Variants in GALNT14 observed in about 807,000 individuals in gnomAD.
GALNT14 encodes the protein UDP-GalNAc:polypeptide N-acetylgalactosaminyltransferase 14.
In GALNT14, 60 loss-of-function variants were observed where a neutral mutation model predicts 77.5. The observed-to-expected ratio is 0.77, with a 90% confidence interval of 0.63 to 0.96. The LOEUF (loss-of-function observed/expected upper bound fraction) is 0.96. Among genes scored for constraint, GALNT14 ranks in the 40% least tolerant of loss-of-function variants. The pLI, the probability that GALNT14 is intolerant of heterozygous loss-of-function variation, is 0.00. For missense variants in GALNT14, 710 were observed against 731.0 expected (o/e 0.97, Z 0.33); for synonymous variants, 280 against 281.7 (o/e 0.99, Z 0.06).
chr2:31,092,648 C>T (rs1676811106), intron 1 of GALNT14, among the ~76,000 whole-genome samples: 1 of 152,152 alleles, frequency 6.6e-6, no homozygotes, highest in African/African-American at 2.4e-5. Flanking sequence ...AAAAGTCAAC[C>T]TGGGACTGGA....
intron 1 of GALNT14, among the ~76,000 whole-genome samples, chr2:30,995,008 G>A (rs1191271154): frequency 6.6e-6 from 1 of 152,136 alleles, no homozygotes; most frequent in Non-Finnish European, 1.5e-5. Context: ...GTTCGATCTT[G>A]AAGGATGAGT....
At chr2:31,029,628 T>A (rs893455415) in intron 1 of GALNT14, among the ~76,000 whole-genome samples, 3 of 152,216 alleles carry the variant, frequency 2.0e-5, no homozygotes, top group South Asian at 2.1e-4. Flanking sequence ...TCTTTCCCCT[T>A]CCCCGGTCTA....
In GALNT14 at chr2:31,138,352, C is replaced by G; in HGVS notation, c.-266G>C. ...TGGACGCCCGCTCCAGCGGGAGAAGCGCGGTGGCTGCCGAGATGTTCCCCA... is the reference window on the plus strand; with the variant it reads ...TGGACGCCCGCTCCAGCGGGAGAAGGGCGGTGGCTGCCGAGATGTTCCCCA... On this transcript the variant is annotated 5_prime_UTR_variant, in exon 1 of 15. Coordinates refer to ENST00000349752, the MANE Select transcript of GALNT14 (RefSeq NM_024572.4). 1 of 453,580 alleles carries G rather than the reference C, an allele frequency of 2.2e-6. No homozygotes were observed. The highest frequency in any genetic ancestry group is 3.9e-6 in the Non-Finnish European group (1 of 257,070). 28.1% of individuals were successfully genotyped at this position (453,580 alleles called of 1,614,324 possible). A position where few individuals can be genotyped will look rare whatever the true frequency, so the allele number is the denominator to read the frequency against.
the GALNT14 span, among the ~76,000 whole-genome samples, chr2:30,890,961 G>A: frequency 6.6e-6 from 1 of 152,176 alleles, no homozygotes; most frequent in Non-Finnish European, 1.5e-5. Context: ...CTGAGACCAG[G>A]AGGCCAGTGG....
intron 1 of GALNT14, among the ~76,000 whole-genome samples, chr2:30,995,130 TTGTGTGTGTGTGTGTGTGTGTGTGTG>T (rs3058232): frequency 1.4e-5 from 2 of 144,040 alleles, no homozygotes; most frequent in South Asian, 2.2e-4. Flanking sequence ...AGAACCAATG[TTGTGTGTGTGTGTGTGTGTGTGTGTG>T]TGTGTGTGTG....
chr2:31,053,197 G>T (rs1038562626), intron 1 of GALNT14, among the ~76,000 whole-genome samples: 1 of 152,104 alleles, frequency 6.6e-6, no homozygotes, highest in African/African-American at 2.4e-5. Context: ...TTCAAGGCCC[G>T]GGACCTGCCT....
chr2:30,894,524 A>G, the GALNT14 span, among the ~76,000 whole-genome samples: 1 of 152,190 alleles, frequency 6.6e-6, no homozygotes, highest in African/African-American at 2.4e-5. Context: ...GACTCGACAG[A>G]GAAGAGGCAG....
chr2:31,008,444 C>T (rs963305742), intron 1 of GALNT14, among the ~76,000 whole-genome samples: 2 of 152,126 alleles, frequency 1.3e-5, no homozygotes, highest in Non-Finnish European at 2.9e-5. Flanking sequence ...TTTCCAAGGA[C>T]CAGATTCTCT....
intron 1 of GALNT14, among the ~76,000 whole-genome samples, chr2:31,021,983 G>A (rs1013041592): frequency 1.3e-5 from 2 of 152,196 alleles, no homozygotes; most frequent in African/African-American, 2.4e-5. Context: ...ATAAAAAGGA[G>A]GTAAGTTGTG....
chr2:31,055,561 G>A (rs1036825166), intron 1 of GALNT14, among the ~76,000 whole-genome samples: 7 of 152,160 alleles, frequency 4.6e-5, no homozygotes, highest in African/African-American at 1.4e-4. Context: ...CCCTGCTACC[G>A]AGTGTCTGTG....
At chr2:31,050,494 G>C (rs1160115261) in intron 1 of GALNT14, among the ~76,000 whole-genome samples, 1 of 152,094 alleles carries the variant, frequency 6.6e-6, no homozygotes, top group African/African-American at 2.4e-5. Flanking sequence ...GACAGACAAA[G>C]CCTGCCTCGA....
intron 1 of GALNT14, among the ~76,000 whole-genome samples, chr2:31,044,598 T>C (rs4268963): frequency 0.43 from 65,423 of 151,854 alleles, 14,387 homozygotes; most frequent in East Asian, 0.54. Flanking sequence ...TGATCCCAAG[T>C]GCTTTTGGAT....
chr2:30,887,296 A>C, the GALNT14 span, among the ~76,000 whole-genome samples: 1 of 152,214 alleles, frequency 6.6e-6, no homozygotes, highest in African/African-American at 2.4e-5. Context: ...AGAAACCACC[A>C]AACTATTTTT....
At chr2:30,901,425 C>A in the GALNT14 span, among the ~76,000 whole-genome samples, 1 of 151,990 alleles carries the variant, frequency 6.6e-6, no homozygotes. Context: ...GCCTGCTATG[C>A]CTATATGTAT....
chr2:31,066,668 C>T (rs1384690421), intron 1 of GALNT14, among the ~76,000 whole-genome samples: 2 of 152,030 alleles, frequency 1.3e-5, no homozygotes, highest in Non-Finnish European at 2.9e-5. Flanking sequence ...TGTGAAGAGC[C>T]GGAGCACAGA....
At chr2:30,903,841 G>C in the GALNT14 span, among the ~76,000 whole-genome samples, 1 of 152,140 alleles carries the variant, frequency 6.6e-6, no homozygotes, top group Non-Finnish European at 1.5e-5. Flanking sequence ...AACTCACCTG[G>C]GCAGAGAAGG....
At chr2:31,005,511 T>C (rs763292145) in intron 1 of GALNT14, among the ~76,000 whole-genome samples, 2 of 152,244 alleles carry the variant, frequency 1.3e-5, no homozygotes, top group Non-Finnish European at 2.9e-5. Context: ...AATTGCTTGG[T>C]AAAACATAAT....
intron 13 of GALNT14, among the ~76,000 whole-genome samples, chr2:30,919,691 A>G (rs1462170646): frequency 6.6e-6 from 1 of 152,158 alleles, no homozygotes; most frequent in Non-Finnish European, 1.5e-5. Flanking sequence ...GTGTCCTCTG[A>G]GGGTAGACTA....
At chr2:31,047,444 C>G (rs1673534581) in intron 1 of GALNT14, among the ~76,000 whole-genome samples, 1 of 152,162 alleles carries the variant, frequency 6.6e-6, no homozygotes, top group Non-Finnish European at 1.5e-5. Flanking sequence ...AAAGACAGGG[C>G]ATCCCAGGGC....
Sources: allele counts gnomAD v4.1 joint callset (sites outside exome capture counted in the v4.1 genomes callset), GRCh38; gene constraint gnomAD v4.1.1; transcripts MANE v1.5; gene names NCBI Gene and HGNC (gene_info 2026-07-23, HGNC 2026-07-21).